Variants in CPVL observed in about 807,000 individuals in gnomAD.
CPVL encodes the protein carboxypeptidase vitellogenic like, also known as probable serine carboxypeptidase CPVL.
A neutral mutation model predicts 63.7 loss-of-function variants in CPVL; 51 were observed. That is an observed-to-expected ratio of 0.80 (90% CI 0.64 to 1.01). The LOEUF (loss-of-function observed/expected upper bound fraction) is 1.01, where lower values mean the gene tolerates loss of function less well. Among genes scored for constraint, CPVL ranks in the 50% least tolerant of loss-of-function variants. The pLI is 0.00. For synonymous variants in CPVL, 195 were observed against 206.0 expected (o/e 0.95, Z 0.46); for missense variants, 530 against 573.1 (o/e 0.92, Z 0.77).
intron 1 of CPVL, among the ~76,000 whole-genome samples, chr7:29,136,642 T>C (rs1791257315): frequency 6.6e-6 from 1 of 152,206 alleles, no homozygotes. Context: ...AGAGGAGGTC[T>C]CAGAGATAAG....
intron 2 of CPVL, among the ~76,000 whole-genome samples, chr7:29,120,318 A>G (rs947131129): frequency 1.3e-5 from 2 of 152,182 alleles, no homozygotes; most frequent in Non-Finnish European, 2.9e-5. Context: ...GCTACTCAGG[A>G]GGCTGAGGCA....
At chr7:29,044,547 C>T (rs184059169) in intron 11 of CPVL, among the ~76,000 whole-genome samples, 87 of 152,208 alleles carry the variant, frequency 5.7e-4, no homozygotes, top group Admixed American at 1.7e-3. Context: ...CTTTGGATTC[C>T]CAGTGATTCC....
At chr7:29,116,531 C>A (rs1231731705) in intron 2 of CPVL, among the ~76,000 whole-genome samples, 2 of 152,182 alleles carry the variant, frequency 1.3e-5, no homozygotes, top group Non-Finnish European at 2.9e-5. Flanking sequence ...ACTGCTGCAA[C>A]CAATGTTTGT....
intron 1 of CPVL, among the ~76,000 whole-genome samples, chr7:29,125,556 C>A (rs1240464865): frequency 3.3e-5 from 5 of 152,092 alleles, no homozygotes; most frequent in Admixed American, 6.5e-5. Flanking sequence ...CTACACCTAG[C>A]TAATTTTTGT....
intron 2 of CPVL, among the ~76,000 whole-genome samples, chr7:29,118,089 T>G (rs1407964056): frequency 6.6e-6 from 1 of 152,180 alleles, no homozygotes; most frequent in East Asian, 1.9e-4. Context: ...GAAGAACACT[T>G]TAGAAGCTTC....
chr7:29,165,053 T>C (rs2128716754), intron 5 of CPVL, among the ~76,000 whole-genome samples: 1 of 152,050 alleles, frequency 6.6e-6, no homozygotes, highest in South Asian at 2.1e-4. Flanking sequence ...TGAACTTCCA[T>C]ATAAATTTTA....
chr7:29,165,447 T>A (rs562591964), intron 5 of CPVL, among the ~76,000 whole-genome samples: 24 of 152,336 alleles, frequency 1.6e-4, no homozygotes, highest in Middle Eastern at 3.4e-3. Flanking sequence ...AGATTTTTTT[T>A]AAATCACCTA....
intron 1 of CPVL, chr7:29,192,643 A>G (rs556103624): frequency 3.3e-5 from 5 of 152,346 alleles, no homozygotes; most frequent in Admixed American, 2.6e-4. Context: ...CACAAACTTC[A>G]TGCCAGGTAC....
intron 5 of CPVL, among the ~76,000 whole-genome samples, chr7:29,173,130 CAAA>C (rs56379349): frequency 8.7e-5 from 7 of 80,144 alleles, no homozygotes; most frequent in Non-Finnish European, 1.6e-4. Flanking sequence ...GACTCTGTAT[CAAA>C]AAAAAAAAAA....
intron 5 of CPVL, among the ~76,000 whole-genome samples, chr7:29,167,014 G>T (rs891747289): frequency 1.3e-5 from 2 of 151,930 alleles, no homozygotes; most frequent in South Asian, 2.1e-4. Context: ...TACATATACT[G>T]TATATGTACA....
At chr7:29,083,895 CTA>C (rs751681359) in intron 7 of CPVL, among the ~76,000 whole-genome samples, 43 of 151,974 alleles carry the variant, frequency 2.8e-4, no homozygotes, top group Admixed American at 2.0e-4. Context: ...TTTCCTGGGG[CTA>C]TTAGTCTTTA....
chr7:29,068,612 A>T (rs1783374801), intron 9 of CPVL, among the ~76,000 whole-genome samples: 1 of 151,534 alleles, frequency 6.6e-6, no homozygotes, highest in South Asian at 2.1e-4. Flanking sequence ...TTATCCTCAC[A>T]CAATGGAGGC....
Position 29,120,880 on chromosome 7 carries a change from T to G in CPVL, c.169+13A>C. 1 of 1,602,588 alleles carries G rather than the reference T, an allele frequency of 6.2e-7. No individual in the cohort carries two copies. Among genetic ancestry groups the G allele is most frequent in the African/African-American group, 1.3e-5 (1 of 74,396 alleles). Reference sequence around the variant, plus strand: ...CATGCCAGTGGTTTTCTGATTTAATTAAACTTACTTACCTTTTTGGATCTT... The same window carrying G: ...CATGCCAGTGGTTTTCTGATTTAATGAAACTTACTTACCTTTTTGGATCTT... On this transcript the variant is annotated intron_variant, in intron 2 of 12. Coordinates refer to ENST00000265394, the MANE Select transcript of CPVL (RefSeq NM_031311.5).
At chr7:29,032,554 C>T (rs1205603292) in intron 11 of CPVL, among the ~76,000 whole-genome samples, 1 of 152,168 alleles carries the variant, frequency 6.6e-6, no homozygotes, top group East Asian at 1.9e-4. Context: ...AGTATGGAAA[C>T]AATTATATAT....
intron 11 of CPVL, among the ~76,000 whole-genome samples, chr7:29,049,313 T>C (rs1468850327): frequency 1.3e-5 from 2 of 152,002 alleles, no homozygotes; most frequent in Admixed American, 1.3e-4. Context: ...ATAACCTCAT[T>C]AAGAAACAAA....
At chr7:29,121,176 G>A in intron 1 of CPVL, 105 bp from the exon 2 acceptor site, 1 of 1,090,398 alleles carries the variant, frequency 9.2e-7, no homozygotes, top group Non-Finnish European at 1.3e-6. Context: ...AATATTGTGT[G>A]TAAAGGCCCT....
At chr7:29,043,324 T>C (rs1322917816) in intron 11 of CPVL, among the ~76,000 whole-genome samples, 2 of 152,130 alleles carry the variant, frequency 1.3e-5, no homozygotes, top group African/African-American at 4.8e-5. Flanking sequence ...TGCAAGACTT[T>C]CTGCCCCATG....
At chr7:29,087,296 C>T (rs773284212) in intron 6 of CPVL, among the ~76,000 whole-genome samples, 9 of 151,612 alleles carry the variant, frequency 5.9e-5, no homozygotes, top group South Asian at 2.1e-4. Context: ...TGGTGGTGCG[C>T]GCCTGTAGTC....
intron 5 of CPVL, among the ~76,000 whole-genome samples, chr7:29,167,159 A>C (rs12538203): frequency 0.17 from 25,143 of 152,154 alleles, 2,400 homozygotes; most frequent in African/African-American, 0.25. Flanking sequence ...CAAAGGTACA[A>C]TATCTTGAAT....
Sources: allele counts gnomAD v4.1 joint callset (sites outside exome capture counted in the v4.1 genomes callset), GRCh38; gene constraint gnomAD v4.1.1; transcripts MANE v1.5; gene names NCBI Gene and HGNC (gene_info 2026-07-23, HGNC 2026-07-21).